TRABD2B: variants seen among roughly 807,000 people sequenced by gnomAD.
TRABD2B encodes the protein metalloprotease TIKI2.
TRABD2B carries 14 observed loss-of-function variants against 40.1 expected under a neutral mutation model. The observed-to-expected ratio is 0.35, with a 90% confidence interval of 0.23 to 0.55. The LOEUF (loss-of-function observed/expected upper bound fraction) is 0.55. TRABD2B is among the 20% of genes least tolerant of loss of function. The pLI, the probability that TRABD2B is intolerant of heterozygous loss-of-function variation, is 0.90. For missense variants in TRABD2B, 541 were observed against 648.6 expected, an observed-to-expected ratio of 0.83 and a Z score of 1.80; for synonymous variants, 263 against 277.0, an observed-to-expected ratio of 0.95 and a Z score of 0.50.
rs573497639 is a variant in TRABD2B, at chr1:47,829,794, A to G, written c.667-28175T>C. On this transcript the variant is annotated intron_variant, in intron 2 of 6. Transcript: ENST00000606738. ...TTCTAAAAAATATTACCAACCACAA[A>G]AAGTCCTTTACTGCACCCCATTGTT... Among the ~76,000 whole-genome samples, 12 of 152,258 alleles carry G rather than the reference A, an allele frequency of 7.9e-5. 1 individual carries two copies. The South Asian group carries it at 2.5e-3, about 32-fold the overall frequency.
At chr1:47,815,721 G>T (rs1189284600) in intron 2 of TRABD2B, among the ~76,000 whole-genome samples, 2 of 152,222 alleles carry the variant, frequency 1.3e-5, no homozygotes, top group East Asian at 3.9e-4. Context: ...GAGTGTCTGG[G>T]GCTCCAAGTG....
At chr1:47,880,076 C>G (rs1470593953) in intron 2 of TRABD2B, among the ~76,000 whole-genome samples, 1 of 152,206 alleles carries the variant, frequency 6.6e-6, no homozygotes, top group Non-Finnish European at 1.5e-5. Context: ...TTGGAAGGCT[C>G]AGGTGGGCAG....
intron 2 of TRABD2B, among the ~76,000 whole-genome samples, chr1:47,922,339 G>A (rs907456641): frequency 3.3e-5 from 5 of 152,212 alleles, no homozygotes; most frequent in Admixed American, 3.3e-4. Context: ...GGGTGACCAG[G>A]GTCAGGGCCT....
chr1:47,805,580 G>A (rs1346767493), intron 2 of TRABD2B, among the ~76,000 whole-genome samples: 1 of 152,082 alleles, frequency 6.6e-6, no homozygotes, highest in East Asian at 1.9e-4. Context: ...TCCATTAGCA[G>A]ACATTCAGGA....
intron 2 of TRABD2B, among the ~76,000 whole-genome samples, chr1:47,810,822 C>A (rs1482618509): frequency 1.3e-5 from 2 of 152,160 alleles, no homozygotes; most frequent in Admixed American, 6.5e-5. Context: ...AAAGGGAGCA[C>A]AACTATGGCT....
At chr1:47,774,593 G>T (rs1644417946) in intron 6 of TRABD2B, among the ~76,000 whole-genome samples, 1 of 152,188 alleles carries the variant, frequency 6.6e-6, no homozygotes, top group African/African-American at 2.4e-5. Context: ...GAGGACAGAA[G>T]GGTCTCCGTG....
chr1:47,933,025 TG>T (rs1371617779), intron 2 of TRABD2B, among the ~76,000 whole-genome samples: 1 of 151,924 alleles, frequency 6.6e-6, no homozygotes, highest in African/African-American at 2.4e-5. Context: ...AGGACATGAG[TG>T]GCAATGAGCA....
At chr1:47,964,616 G>A (rs1299823461) in intron 2 of TRABD2B, among the ~76,000 whole-genome samples, 1 of 152,180 alleles carries the variant, frequency 6.6e-6, no homozygotes, top group East Asian at 1.9e-4. Flanking sequence ...ATATTTTGGG[G>A]GGTAGAAACT....
At chr1:47,899,144 G>A (rs1010070285) in intron 2 of TRABD2B, among the ~76,000 whole-genome samples, 1 of 152,240 alleles carries the variant, frequency 6.6e-6, no homozygotes, top group African/African-American at 2.4e-5. Context: ...CCACTGGGCT[G>A]TGTCCTCTGT....
At chr1:47,815,671 C>A (rs1645020563) in intron 2 of TRABD2B, among the ~76,000 whole-genome samples, 1 of 152,162 alleles carries the variant, frequency 6.6e-6, no homozygotes. Flanking sequence ...GCTCCTGCAA[C>A]CGGGAAGCAC....
chr1:47,821,763 T>TTGCTGGTTGCACCAGCAACCAC (rs1342920074), intron 2 of TRABD2B, among the ~76,000 whole-genome samples: 7 of 152,102 alleles, frequency 4.6e-5, no homozygotes, highest in Non-Finnish European at 4.4e-5. Context: ...ACCACCAGTG[T>TTGCTGGTTGCACCAGCAACCAC]CAGCCAGTCC....
chr1:47,807,722 T>C (rs186829123), intron 2 of TRABD2B, among the ~76,000 whole-genome samples: 6 of 152,328 alleles, frequency 3.9e-5, no homozygotes, highest in South Asian at 2.1e-4. Context: ...TATTGACTTA[T>C]AGTATTTAGG....
In TRABD2B at chr1:47,994,414, C is replaced by T. The variant is rs1383765596; in HGVS notation, c.286G>A (p.Ala96Thr). Residue 96 changes from alanine (A) to threonine (T), a missense_variant, in exon 2 of 7, where the codon GCC (alanine) becomes ACC (threonine). Ala to Thr is a moderately conservative substitution (Grantham distance 58, BLOSUM62 0). This residue lies in a region of TRABD2B where 369 missense variants were observed against 492.8 expected (regional missense o/e 0.75). Transcript: ENST00000606738. This position sits in a 1 kb window ranked among gnomAD's most constrained non-coding sequence, Gnocchi z 6.7. ...GGCAGCAGCTGGCAGCTGGCCAGGG[C>T]CGAGATGGTGTAGGGGTCTGTAAGG... ...LDLTDPYTIS[A>T]LASCQLLPHG... 1 of 1,536,154 alleles carries T rather than the reference C, an allele frequency of 6.5e-7. No homozygotes were observed. The highest frequency in any genetic ancestry group is 1.2e-5 in the South Asian group (1 of 84,066).
chr1:47,783,693 G>C (rs1305227784), intron 4 of TRABD2B, among the ~76,000 whole-genome samples: 1 of 152,164 alleles, frequency 6.6e-6, no homozygotes, highest in East Asian at 1.9e-4. Context: ...TTAGTGCAAA[G>C]AAAAAGACTC....
At chr1:47,870,476 G>A (rs1232239603) in intron 2 of TRABD2B, among the ~76,000 whole-genome samples, 1 of 152,106 alleles carries the variant, frequency 6.6e-6, no homozygotes, top group Non-Finnish European at 1.5e-5. Context: ...CAATCAGAAT[G>A]AATCCCTCTC....
chr1:47,865,946 T>C (rs1644050511), intron 2 of TRABD2B, among the ~76,000 whole-genome samples: 1 of 152,132 alleles, frequency 6.6e-6, no homozygotes, highest in African/African-American at 2.4e-5. Flanking sequence ...CATTCCTCTG[T>C]GCTTCAGTCT....
Position 47,977,138 on chromosome 1 carries a change from T to C in TRABD2B, c.666+16896A>G, listed in dbSNP as rs143031946. ...CTCAGGCTGGAGTGCAGTGGTGCGA[T>C]CTTGGCTCACTGCAACCTCTGCCTC... On this transcript the variant is annotated intron_variant, in intron 2 of 6. Coordinates refer to ENST00000606738, the MANE Select transcript of TRABD2B (RefSeq NM_001194986.2). Among the ~76,000 whole-genome samples the C allele has an allele frequency of 8.3e-3, 1,265 of 151,542 alleles. 26 individuals carry two copies. The highest frequency in any genetic ancestry group is 0.029 in the African/African-American group (1,209 of 41,238).
chr1:47,870,459 C>T (rs1644124405), intron 2 of TRABD2B, among the ~76,000 whole-genome samples: 1 of 152,204 alleles, frequency 6.6e-6, no homozygotes, highest in East Asian at 1.9e-4. Flanking sequence ...CCCCTTCCCC[C>T]TAGCCTCAAT....
chr1:47,868,781 G>C (rs1370730350), intron 2 of TRABD2B, among the ~76,000 whole-genome samples: 2 of 152,164 alleles, frequency 1.3e-5, no homozygotes, highest in Non-Finnish European at 2.9e-5. Flanking sequence ...GTCCAGACTA[G>C]GGGGACATCA....
Sources: allele counts gnomAD v4.1 joint callset (sites outside exome capture counted in the v4.1 genomes callset), GRCh38; gene constraint gnomAD v4.1.1; regional missense constraint gnomAD v4.1.1; non-coding constraint Gnocchi (gnomAD v3.1); transcripts MANE v1.5; gene names NCBI Gene and HGNC (gene_info 2026-07-23, HGNC 2026-07-21).